Variants in MAP3K9 observed in about 807,000 individuals in gnomAD.
MAP3K9 encodes mitogen-activated protein kinase kinase kinase 9.
Under a neutral mutation model 95.8 loss-of-function variants are expected in MAP3K9, and 46 were observed. The ratio of observed to expected loss-of-function variants is 0.48; its 90% CI spans 0.38 to 0.61. MAP3K9 has a LOEUF of 0.61. Ranked by LOEUF, MAP3K9 falls within the 20% of genes least tolerant of loss-of-function variation. The pLI is 0.00. For missense variants in MAP3K9, 1,296 were observed against 1,474.3 expected (o/e 0.88, Z 1.98); for synonymous variants, 533 against 593.8 (o/e 0.90, Z 1.49).
rs1215919106 is a variant in MAP3K9, at chr14:70,761,978, G to C, written c.821-796C>G. 2.0e-5 allele frequency among the ~76,000 whole-genome samples: 3 copies of C among 152,054 alleles called. No individual in the cohort carries two copies. In the East Asian group the frequency reaches 5.8e-4, roughly 29 times the overall value. On this transcript the variant is annotated intron_variant, in intron 2 of 11. Coordinates refer to ENST00000554752, the MANE Select transcript of MAP3K9 (RefSeq NM_001284230.2). ...TCCTTTGTCTTTATAAATTTACCTA[G>C]TCTGAATACTTCATGTAAATACAAT...
chr14:70,746,641 T>G (rs2054151021), intron 5 of MAP3K9, among the ~76,000 whole-genome samples: 1 of 152,248 alleles, frequency 6.6e-6, no homozygotes, highest in Non-Finnish European at 1.5e-5. Flanking sequence ...ACATGTAATA[T>G]GGAGTTAATA....
At chr14:70,752,427 C>A (rs112448896) in intron 3 of MAP3K9, among the ~76,000 whole-genome samples, 97 of 152,288 alleles carry the variant, frequency 6.4e-4, no homozygotes, top group African/African-American at 1.7e-3. Context: ...GACAGTCCTG[C>A]AGGCTGCCCT....
Position 70,730,723 on chromosome 14 carries a change from A to G in MAP3K9, c.2972T>C (p.Phe991Ser). The part of the protein sequence containing the change: ...STLERPKTLE[F>S]LPRPRPSANR... Reference sequence around the variant, plus strand: ...GGCAGAAGGACGCGGCCGAGGCAGAAACTCCAGAGTCTTGGGTCTCTCCAA... The same window carrying G: ...GGCAGAAGGACGCGGCCGAGGCAGAGACTCCAGAGTCTTGGGTCTCTCCAA... Residue 991 changes from phenylalanine (F) to serine (S), a missense_variant, in exon 12 of 12, where the codon TTT becomes TCT. Phe to Ser is a radical substitution (Grantham distance 155). Coordinates refer to ENST00000554752, the MANE Select transcript of MAP3K9 (RefSeq NM_001284230.2). 6.2e-7 allele frequency: 1 copy of G among 1,613,836 alleles called. No individual in the cohort carries two copies. Among genetic ancestry groups the G allele is most frequent in the Non-Finnish European group, 8.5e-7 (1 of 1,180,006 alleles).
chr14:70,766,336 G>A (rs1340207382), intron 2 of MAP3K9, among the ~76,000 whole-genome samples: 1 of 152,022 alleles, frequency 6.6e-6, no homozygotes, highest in East Asian at 1.9e-4. Context: ...GATTAAAGGC[G>A]ATACAGCAAT....
chr14:70,723,054 G>A lies in MAP3K9; in HGVS notation c.*7326C>T, dbSNP rs2053774617. On this transcript the variant is annotated 3_prime_UTR_variant, in exon 12 of 12. Coordinates refer to ENST00000554752, the MANE Select transcript of MAP3K9 (RefSeq NM_001284230.2). ...TGGGTTTCGGTGGGGAGTGCAGGAT[G>A]AGTAGGGAGGGAAATCAGAAAAGAA... 6.6e-6 allele frequency: 1 copy of A among 152,204 alleles called. No individual in the cohort carries two copies. The highest frequency in any genetic ancestry group is 3.2e-3 in the Middle Eastern group (1 of 316). 9.4% of individuals were successfully genotyped at this position (152,204 alleles called of 1,614,324 possible). A position where few individuals can be genotyped will look rare whatever the true frequency, so the allele number is the denominator to read the frequency against.
At chr14:70,767,310 T>C (rs555144757) in intron 2 of MAP3K9, among the ~76,000 whole-genome samples, 3 of 138,088 alleles carry the variant, frequency 2.2e-5, no homozygotes, top group Admixed American at 8.3e-5. Flanking sequence ...CTTGAACCCA[T>C]GAGGCGGAGG....
intron 2 of MAP3K9, among the ~76,000 whole-genome samples, chr14:70,782,246 G>A (rs2054687789): frequency 6.6e-6 from 1 of 152,134 alleles, no homozygotes; most frequent in Non-Finnish European, 1.5e-5. Context: ...TCTATGTTAT[G>A]TATATAATAA....
Position 70,733,013 on chromosome 14 carries a change from G to C in MAP3K9, c.2356C>G (p.Pro786Ala), listed in dbSNP as rs772109137. 1.2e-6 allele frequency: 2 copies of C among 1,614,168 alleles called. No homozygotes were observed. The highest frequency in any genetic ancestry group is 2.2e-5 in the South Asian group (2 of 91,084). ...CGTCTTTTCTTCTCCTCCCGGGCTG[G>C]TGGCTCAGGCTCCTCCAGGGGAAGC... The part of the protein sequence containing the change: ...QLLPLEEPEP[P>A]AREEKKRREG... The change falls in exon 11 of 12, where the codon CCA (proline) becomes GCA (alanine). Residue 786 changes from proline (P) to alanine (A), a missense_variant. Physicochemically the swap from Pro to Ala is conservative, Grantham distance 27. Around this residue, in one of 5 missense-constraint regions of MAP3K9, gnomAD observed 433 missense variants for 441.4 expected, o/e 0.98. Coordinates refer to ENST00000554752, the MANE Select transcript of MAP3K9 (RefSeq NM_001284230.2).
chr14:70,806,692 T>C (rs527697156), intron 1 of MAP3K9, among the ~76,000 whole-genome samples: 6 of 152,324 alleles, frequency 3.9e-5, no homozygotes, highest in African/African-American at 1.2e-4. Flanking sequence ...GCCTAAGTCA[T>C]ACTGACTCTT....
chr14:70,756,646 C>A (rs1270441669), intron 3 of MAP3K9, among the ~76,000 whole-genome samples: 3 of 152,212 alleles, frequency 2.0e-5, no homozygotes, highest in Non-Finnish European at 4.4e-5. Context: ...AGTTCTCCTT[C>A]CTCTTTTATG....
intron 11 of MAP3K9, among the ~76,000 whole-genome samples, chr14:70,732,200 C>G (rs540914840): frequency 1.4e-4 from 22 of 152,316 alleles, no homozygotes; most frequent in African/African-American, 5.3e-4. Flanking sequence ...CAGGGAATAA[C>G]TAGAAGCTAG....
chr14:70,736,311 C>T (rs2053986177), intron 8 of MAP3K9, among the ~76,000 whole-genome samples: 1 of 152,150 alleles, frequency 6.6e-6, no homozygotes, highest in Non-Finnish European at 1.5e-5. Context: ...ATGTTTTGGA[C>T]AAATATGTAT....
In MAP3K9 at chr14:70,742,562, C is replaced by A. The variant is rs1990032; in HGVS notation, c.1356G>T (p.Thr452=). The change falls in exon 6 of 12, where the codon ACG becomes ACT. Residue 452 remains threonine (T), a synonymous_variant. Coordinates refer to ENST00000554752, the MANE Select transcript of MAP3K9 (RefSeq NM_001284230.2). The part of the protein sequence containing the change: ...KELRTWEEEL[T]RAALQQKNQE... ...GGTTCTTCTGCTGCAGTGCAGCCCG[C>A]GTCAGCTCCTCCTCCCAGGTGCGAA... 2.5e-6 allele frequency: 4 copies of A among 1,614,138 alleles called. No homozygotes were observed. Among genetic ancestry groups the A allele is most frequent in the South Asian group, 1.1e-5 (1 of 91,080 alleles).
At chr14:70,754,734 G>A (rs2054275269) in intron 3 of MAP3K9, among the ~76,000 whole-genome samples, 2 of 152,110 alleles carry the variant, frequency 1.3e-5, no homozygotes, top group African/African-American at 4.8e-5. Flanking sequence ...GCCTCCCAAA[G>A]TGCTGAGATT....
At position 70,761,191 on chromosome 14, in the gene MAP3K9, G is replaced by A. The variant is rs374741626; in HGVS notation, c.821-9C>T. On this transcript the variant is annotated splice_polypyrimidine_tract_variant and intron_variant, in intron 2 of 11. Transcript: ENST00000554752. ...CTTCTGGAGGATCAATACTAGGCAA[G>A]GAAAAGAATACAGAAGAAACCAGAG... 560 of 1,604,780 alleles carry A rather than the reference G, an allele frequency of 3.5e-4. No homozygotes were observed. The highest frequency in any genetic ancestry group is 4.5e-4 in the Non-Finnish European group (532 of 1,174,880).
rs60112409 is a variant in MAP3K9, at chr14:70,760,141, G to GCACACACACACA, written c.1001+849_1001+860dup. 3.5e-3 allele frequency among the ~76,000 whole-genome samples: 517 copies of GCACACACACACA among 147,800 alleles called. 2 individuals carry two copies. Among genetic ancestry groups the GCACACACACACA allele is most frequent in the South Asian group, 4.1e-3 (19 of 4,642 alleles). On this transcript the variant is annotated intron_variant, in intron 3 of 11. Transcript: ENST00000554752. ...TAAAGCTATTATTTAAAATAAACGTGCACACACACACACACACACACACAC... is the reference window on the plus strand; with the variant it reads ...TAAAGCTATTATTTAAAATAAACGTGCACACACACACACACACACACACACACACACACACAC...
intron 2 of MAP3K9, among the ~76,000 whole-genome samples, chr14:70,781,544 G>C (rs1174075502): frequency 6.6e-6 from 1 of 152,182 alleles, no homozygotes; most frequent in East Asian, 1.9e-4. Flanking sequence ...AATAGTAATG[G>C]AAACAGTAGG....
rs2053837507 is a variant in MAP3K9 at position 70,727,684 on chromosome 14, T to A, written c.*2696A>T. On this transcript the variant is annotated 3_prime_UTR_variant, in exon 12 of 12. Transcript: ENST00000554752. ...TCAGGGGCCCATCAGAGACCAGGTG[T>A]GTAGGAGCTGAGAGATGGTAACTGT... The A allele has an allele frequency of 6.6e-6, 1 of 152,426 alleles. No homozygotes were observed. The highest frequency in any genetic ancestry group is 2.1e-4 in the South Asian group (1 of 4,814). 9.4% of individuals were successfully genotyped at this position (152,426 alleles called of 1,614,324 possible). A position where few individuals can be genotyped will look rare whatever the true frequency, so the allele number is the denominator to read the frequency against.
chr14:70,799,671 C>T (rs1403072344), intron 2 of MAP3K9, among the ~76,000 whole-genome samples: 2 of 152,154 alleles, frequency 1.3e-5, no homozygotes, highest in South Asian at 2.1e-4. Flanking sequence ...AACAGATTCA[C>T]CATAGTATCA....
Sources: allele counts gnomAD v4.1 joint callset (sites outside exome capture counted in the v4.1 genomes callset), GRCh38; gene constraint gnomAD v4.1.1; regional missense constraint gnomAD v4.1.1; transcripts MANE v1.5; gene names NCBI Gene and HGNC (gene_info 2026-07-23, HGNC 2026-07-21).